Variants in PBX3 observed in about 807,000 individuals in gnomAD.
PBX3 encodes pre-B-cell leukemia transcription factor 3.
In PBX3, 14 loss-of-function variants were observed where a neutral mutation model predicts 48.5. That is an observed-to-expected ratio of 0.29 (90% CI 0.19 to 0.45). The LOEUF (loss-of-function observed/expected upper bound fraction) is 0.45, where lower values mean the gene tolerates loss of function less well. Ranked by LOEUF, PBX3 falls within the 20% of genes least tolerant of loss-of-function variation. The pLI is 1.00. For missense variants in PBX3, 386 were observed against 546.7 expected, an observed-to-expected ratio of 0.71 and a Z score of 2.93; for synonymous variants, 210 against 200.3, an observed-to-expected ratio of 1.05 and a Z score of -0.41.
intron 4 of PBX3, among the ~76,000 whole-genome samples, chr9:125,933,989 C>G (rs1363970321): frequency 6.6e-6 from 1 of 152,116 alleles, no homozygotes; most frequent in Non-Finnish European, 1.5e-5. Context: ...AACTGTTCTT[C>G]TTTTTGGTGC....
intron 2 of PBX3, among the ~76,000 whole-genome samples, chr9:125,895,515 CACCT>C (rs1840749237): frequency 6.6e-6 from 1 of 152,030 alleles, no homozygotes; most frequent in African/African-American, 2.4e-5. Flanking sequence ...GTACTCAGTA[CACCT>C]GGAGCTTTTA....
intron 2 of PBX3, among the ~76,000 whole-genome samples, chr9:125,876,815 T>G (rs1474972474): frequency 6.6e-6 from 1 of 150,626 alleles, no homozygotes; most frequent in East Asian, 1.9e-4. Flanking sequence ...TTTTTTTTTT[T>G]TTTTTGAGAC....
rs62567222 is a variant in PBX3 at position 125,801,790 on chromosome 9, T to C, written c.274+53167T>C. Among the ~76,000 whole-genome samples the C allele has an allele frequency of 7.2e-3, 1,059 of 146,298 alleles. 10 individuals are homozygous for C. The highest frequency in any genetic ancestry group is 0.017 in the African/African-American group (661 of 39,242). On this transcript the variant is annotated intron_variant, in intron 2 of 8. Transcript: ENST00000373489. ...ATGTTTATATGAACATGTATACACA[T>C]ACACACACACACACACACACACACA... is the stretch of plus-strand genomic sequence containing the variant.
chr9:125,870,675 T>G (rs951681549), intron 2 of PBX3, among the ~76,000 whole-genome samples: 1 of 152,110 alleles, frequency 6.6e-6, no homozygotes, highest in Non-Finnish European at 1.5e-5. Context: ...TAAAATAATA[T>G]CTAATTTGTA....
At chr9:125,900,584 G>A (rs759269792) in intron 2 of PBX3, among the ~76,000 whole-genome samples, 4 of 151,662 alleles carry the variant, frequency 2.6e-5, no homozygotes, top group Admixed American at 1.3e-4. Context: ...AACTGCTGAC[G>A]TTCAGCTCAT....
intron 2 of PBX3, among the ~76,000 whole-genome samples, chr9:125,881,602 T>C (rs193137495): frequency 3.3e-5 from 5 of 152,000 alleles, no homozygotes; most frequent in Non-Finnish European, 7.4e-5. Flanking sequence ...ATTTTTTTAC[T>C]ATTTTATTAT....
At chr9:125,770,936 G>A (rs958619108) in intron 2 of PBX3, among the ~76,000 whole-genome samples, 4 of 152,118 alleles carry the variant, frequency 2.6e-5, no homozygotes, top group Admixed American at 6.5e-5. Flanking sequence ...ATCTTCAGGC[G>A]CTGCTGTCAA....
chr9:125,935,997 T>A (rs1349232911), intron 5 of PBX3, among the ~76,000 whole-genome samples: 2 of 152,184 alleles, frequency 1.3e-5, no homozygotes, highest in African/African-American at 4.8e-5. Flanking sequence ...CAAAAGGAAA[T>A]TTAATATAAC....
intron 2 of PBX3, among the ~76,000 whole-genome samples, chr9:125,859,910 C>T (rs572622925): frequency 6.6e-6 from 1 of 152,268 alleles, no homozygotes; most frequent in African/African-American, 2.4e-5. Flanking sequence ...TATTGCCTCT[C>T]CGGTGCTCAA....
At chr9:125,754,035 C>A (rs913473863) in intron 2 of PBX3, among the ~76,000 whole-genome samples, 2 of 151,972 alleles carry the variant, frequency 1.3e-5, no homozygotes, top group Non-Finnish European at 2.9e-5. Flanking sequence ...TGAACCACAC[C>A]CTAAGTCAGT....
intron 2 of PBX3, among the ~76,000 whole-genome samples, chr9:125,895,814 A>G (rs574205642): frequency 6.6e-6 from 1 of 152,174 alleles, no homozygotes; most frequent in South Asian, 2.1e-4. Flanking sequence ...TGTGAATCTC[A>G]GCAGGTGTTT....
intron 2 of PBX3, among the ~76,000 whole-genome samples, chr9:125,904,048 C>G (rs371634061): frequency 6.6e-6 from 1 of 151,654 alleles, no homozygotes; most frequent in Non-Finnish European, 1.5e-5. Context: ...AGAAAGCTCT[C>G]AAAAAATGTG....
intron 2 of PBX3, among the ~76,000 whole-genome samples, chr9:125,902,011 T>G (rs1840957210): frequency 6.6e-6 from 1 of 151,670 alleles, no homozygotes; most frequent in East Asian, 1.9e-4. Context: ...ATCTTCTGTT[T>G]CTTGAAGAAG....
intron 6 of PBX3, among the ~76,000 whole-genome samples, chr9:125,961,521 C>T (rs1320103864): frequency 1.3e-5 from 2 of 152,324 alleles, no homozygotes; most frequent in East Asian, 1.9e-4. Flanking sequence ...AGATGGACTT[C>T]AGTAGCAATT....
intron 4 of PBX3, among the ~76,000 whole-genome samples, chr9:125,933,814 T>C (rs1046152294): frequency 7.9e-5 from 12 of 152,158 alleles, no homozygotes; most frequent in African/African-American, 2.9e-4. Context: ...GTGGTCTCAA[T>C]AAATAATGTC....
intron 2 of PBX3, among the ~76,000 whole-genome samples, chr9:125,805,913 T>TA (rs1838111570): frequency 6.6e-6 from 1 of 152,220 alleles, no homozygotes; most frequent in African/African-American, 2.4e-5. Context: ...AGGAAACAGA[T>TA]AAAATTTCTT....
At chr9:125,818,564 G>T (rs915224361) in intron 2 of PBX3, among the ~76,000 whole-genome samples, 1 of 152,056 alleles carries the variant, frequency 6.6e-6, no homozygotes, top group African/African-American at 2.4e-5. Flanking sequence ...TGACCAGCTG[G>T]TCTCAAACTC....
At chr9:125,790,224 A>T (rs895169235) in intron 2 of PBX3, among the ~76,000 whole-genome samples, 13 of 152,072 alleles carry the variant, frequency 8.5e-5, no homozygotes, top group African/African-American at 3.1e-4. Context: ...CATCCAAAGC[A>T]TTAAAATTGC....
intron 5 of PBX3, among the ~76,000 whole-genome samples, chr9:125,955,912 A>G (rs562876082): frequency 6.6e-6 from 1 of 152,336 alleles, no homozygotes; most frequent in East Asian, 1.9e-4. Context: ...CACCTGGTAC[A>G]GTATTGACTA....
Sources: allele counts gnomAD v4.1 joint callset (sites outside exome capture counted in the v4.1 genomes callset), GRCh38; gene constraint gnomAD v4.1.1; transcripts MANE v1.5; gene names NCBI Gene and HGNC (gene_info 2026-07-23, HGNC 2026-07-21).